Variants in ABLIM2 observed in about 807,000 individuals in gnomAD.
ABLIM2 encodes actin-binding LIM protein 2.
A neutral mutation model predicts 97.7 loss-of-function variants in ABLIM2; 53 were observed. That is an observed-to-expected ratio of 0.54 (90% CI 0.44 to 0.68). The LOEUF (loss-of-function observed/expected upper bound fraction) is 0.68, where lower values mean the gene tolerates loss of function less well. Among genes scored for constraint, ABLIM2 ranks in the 30% least tolerant of loss-of-function variants. The probability of loss-of-function intolerance (pLI) is 0.00; values close to 1 mark genes in which losing one functional copy is unlikely to be tolerated. For missense variants in ABLIM2, 835 were observed against 867.2 expected, an observed-to-expected ratio of 0.96 and a Z score of 0.47; for synonymous variants, 361 against 345.8, an observed-to-expected ratio of 1.04 and a Z score of -0.49.
At position 8,155,484 on chromosome 4, in the gene ABLIM2, T is replaced by C. The variant is rs1023234058; in HGVS notation, c.10+3196A>G. On this transcript the variant is annotated intron_variant, in intron 1 of 20. Transcript: ENST00000447017. The surrounding 1 kb of genome is among the most constrained non-coding windows in gnomAD (Gnocchi z 4.2). ...TGGGTTTGGGCTGGAACATTCCTCA[T>C]GTCCCTTCCAGTTCCATGATCCTAA... Among the ~76,000 whole-genome samples, 2 of 152,148 alleles carry C rather than the reference T, an allele frequency of 1.3e-5. No homozygotes were observed. Among genetic ancestry groups the C allele is most frequent in the African/African-American group, 4.8e-5 (2 of 41,432 alleles).
At chr4:8,157,532 TGGAGGGGGAGGGAGACAATCTCCCCAG>T (rs1258111012) in intron 1 of ABLIM2, among the ~76,000 whole-genome samples, 3 of 152,228 alleles carry the variant, frequency 2.0e-5, no homozygotes, top group Non-Finnish European at 4.4e-5. Context: ...TTCCTTGGAT[TGGAGGGGGAGGGAGACAATCTCCCCAG>T]GGAGGGGAGT....
rs574074294 is a variant in ABLIM2 at position 8,016,888 on chromosome 4, G to A, written c.1423+2730C>T. ...ATGTGAAACGCTTTTGCTAAGAAGA[G>A]CTTCCCTTTACCCTCTCCTCTTCGG... On this transcript the variant is annotated intron_variant, in intron 14 of 20. Coordinates refer to ENST00000447017, the MANE Select transcript of ABLIM2 (RefSeq NM_001130083.2). Among the ~76,000 whole-genome samples, 5 of 152,202 alleles carry A rather than the reference G, an allele frequency of 3.3e-5. No individual in the cohort carries two copies. In the South Asian group the frequency reaches 8.3e-4, roughly 25 times the overall value.
At chr4:8,027,883 G>C (rs771219873) in intron 11 of ABLIM2, 26 bp from the exon 12 acceptor site, 1 of 1,527,146 alleles carries the variant, frequency 6.5e-7, no homozygotes, top group Non-Finnish European at 8.8e-7. Flanking sequence ...GAGCAAGTCA[G>C]AGTCAACCTG....
At chr4:8,156,727 C>A (rs1715490563) in intron 1 of ABLIM2, among the ~76,000 whole-genome samples, 1 of 152,226 alleles carries the variant, frequency 6.6e-6, no homozygotes, top group African/African-American at 2.4e-5. Context: ...GTGGGGAGGG[C>A]CACAGGGGAC....
chr4:8,077,572 G>T, intron 6 of ABLIM2, 56 bp downstream of exon 6: 2 of 1,465,998 alleles, frequency 1.4e-6, no homozygotes, highest in East Asian at 2.5e-5. Context: ...TCAACTCCCA[G>T]GGGGGCAGTT....
At chr4:8,131,921 C>T (rs1299182845) in intron 1 of ABLIM2, among the ~76,000 whole-genome samples, 1 of 150,262 alleles carries the variant, frequency 6.7e-6, no homozygotes, top group Non-Finnish European at 1.5e-5. Flanking sequence ...AGCACAGCAG[C>T]CAGCATCCCC....
chr4:8,064,507 C>A (rs561614694), intron 6 of ABLIM2, among the ~76,000 whole-genome samples: 1 of 152,356 alleles, frequency 6.6e-6, no homozygotes. Flanking sequence ...GTGCCCCCTT[C>A]ACGCTGGACT....
rs140105781 is a variant in ABLIM2 at position 8,144,087 on chromosome 4, C to A, written c.10+14593G>T. 5.1e-3 allele frequency among the ~76,000 whole-genome samples: 777 copies of A among 152,332 alleles called. 4 individuals carry two copies. The highest frequency in any genetic ancestry group is 7.3e-3 in the Non-Finnish European group (499 of 68,014). ...CGGCTGTAGCCTGATGGTCCTCTTCCTCCCAAGTCCAGAGCAAAGTCCTGC... is the reference window on the plus strand; with the variant it reads ...CGGCTGTAGCCTGATGGTCCTCTTCATCCCAAGTCCAGAGCAAAGTCCTGC... On this transcript the variant is annotated intron_variant, in intron 1 of 20. Coordinates refer to ENST00000447017, the MANE Select transcript of ABLIM2 (RefSeq NM_001130083.2).
intron 1 of ABLIM2, among the ~76,000 whole-genome samples, chr4:8,110,818 C>T (rs746862295): frequency 1.3e-5 from 2 of 152,178 alleles, no homozygotes; most frequent in Admixed American, 6.5e-5. Context: ...GACATTGCGC[C>T]GTGGGGACGC....
chr4:8,077,241 A>G (rs1816794354), intron 6 of ABLIM2, among the ~76,000 whole-genome samples: 3 of 152,194 alleles, frequency 2.0e-5, no homozygotes, highest in Admixed American at 2.0e-4. Flanking sequence ...CATAATTGCT[A>G]TCTGCCCTGC....
chr4:8,079,360 T>C (rs1818281737), intron 5 of ABLIM2, among the ~76,000 whole-genome samples: 1 of 152,172 alleles, frequency 6.6e-6, no homozygotes, highest in Admixed American at 6.5e-5. Context: ...ACATGCACGG[T>C]GTGGGTGAGC....
chr4:8,152,215 G>A (rs1351097195), intron 1 of ABLIM2, among the ~76,000 whole-genome samples: 2 of 152,194 alleles, frequency 1.3e-5, no homozygotes, highest in African/African-American at 4.8e-5. Context: ...CACAGCCACC[G>A]GCTAAAGCAC....
rs1275411245 is a variant in ABLIM2 at position 7,983,537 on chromosome 4, C to T, written c.1743+10G>A. 8 of 1,613,090 alleles carry T rather than the reference C, an allele frequency of 5.0e-6. No homozygotes were observed. In the South Asian group the frequency reaches 7.7e-5, roughly 16 times the overall value. On this transcript the variant is annotated intron_variant, in intron 19 of 20. Coordinates refer to ENST00000447017, the MANE Select transcript of ABLIM2 (RefSeq NM_001130083.2). ...GGCACGGAGGTCAGTGTGGGAGCGG[C>T]CCCGCTTACCTTGTATTCTGTAAGA...
rs904424704 is a variant in ABLIM2 at position 8,087,542 on chromosome 4, C to T, written c.454+627G>A. 3.3e-5 allele frequency among the ~76,000 whole-genome samples: 5 copies of T among 152,180 alleles called. No individual in the cohort carries two copies. The highest frequency in any genetic ancestry group is 6.5e-5 in the Admixed American group (1 of 15,286). ...CTCAGTGTTCCTCTACAGGTTCCCC[C>T]AAAGGGGTCCCGGGTGGCCTGGAAT... On this transcript the variant is annotated intron_variant, in intron 4 of 20. Transcript: ENST00000447017. This position sits in a 1 kb window ranked among gnomAD's most constrained non-coding sequence, Gnocchi z 4.6.
chr4:7,972,209 G>T (rs1728682258), intron 20 of ABLIM2, among the ~76,000 whole-genome samples: 1 of 152,180 alleles, frequency 6.6e-6, no homozygotes, highest in Admixed American at 6.5e-5. Flanking sequence ...GCTTAGCGGG[G>T]CAATGACGTG....
intron 20 of ABLIM2, among the ~76,000 whole-genome samples, chr4:7,973,068 C>G (rs987052708): frequency 1.2e-5 from 1 of 80,558 alleles, no homozygotes; most frequent in African/African-American, 4.3e-5. Flanking sequence ...ATGAGCTGCT[C>G]CCCTTGCTGT....
Position 8,061,150 on chromosome 4 carries a change from G to T in ABLIM2, c.676-96C>A. ...ATGGATACAGCATGCCCTGAGCACA[G>T]GTACTCAGGGGATACTGGAAGGGCC... On this transcript the variant is annotated intron_variant, in intron 6 of 20. Coordinates refer to ENST00000447017, the MANE Select transcript of ABLIM2 (RefSeq NM_001130083.2). The surrounding 1 kb of genome is among the most constrained non-coding windows in gnomAD (Gnocchi z 4.5). 3.1e-6 allele frequency: 3 copies of T among 975,054 alleles called. No individual in the cohort carries two copies. The highest frequency in any genetic ancestry group is 1.4e-5 in the South Asian group (1 of 69,514). The allele number at this position is 975,054 out of a possible 1,614,324, so 60.4% of individuals were successfully genotyped here. A position where few individuals can be genotyped will look rare whatever the true frequency, so the allele number is the denominator to read the frequency against.
rs1715105733 is a variant in ABLIM2, at chr4:8,155,776, C to A, written c.10+2904G>T. On this transcript the variant is annotated intron_variant, in intron 1 of 20. Coordinates refer to ENST00000447017, the MANE Select transcript of ABLIM2 (RefSeq NM_001130083.2). The surrounding 1 kb of genome is among the most constrained non-coding windows in gnomAD (Gnocchi z 4.2). ...ACAAAGGGAAGACGGGACGAGGACA[C>A]AGACACACACAAAGGGAAGACGGGG... Among the ~76,000 whole-genome samples, 1 of 151,746 alleles carries A rather than the reference C, an allele frequency of 6.6e-6. No individual in the cohort carries two copies. The highest frequency in any genetic ancestry group is 2.4e-5 in the African/African-American group (1 of 41,350).
At chr4:8,086,655 T>C (rs1450327674) in intron 4 of ABLIM2, among the ~76,000 whole-genome samples, 7 of 152,164 alleles carry the variant, frequency 4.6e-5, no homozygotes. Context: ...CATGTTTCCC[T>C]TTTTAATTTG....
Sources: allele counts gnomAD v4.1 joint callset (sites outside exome capture counted in the v4.1 genomes callset), GRCh38; gene constraint gnomAD v4.1.1; non-coding constraint Gnocchi (gnomAD v3.1); transcripts MANE v1.5; gene names NCBI Gene and HGNC (gene_info 2026-07-23, HGNC 2026-07-21).